CNOT7: variants seen among roughly 807,000 people sequenced by gnomAD.
CNOT7 encodes CCR4-NOT transcription complex subunit 7, also known as BTG1-binding factor 1.
Under a neutral mutation model 37.1 loss-of-function variants are expected in CNOT7, and 4 were observed. The observed-to-expected ratio is 0.11, with a 90% CI of 0.05 to 0.25. CNOT7 has a LOEUF of 0.25. Ranked by LOEUF, CNOT7 falls within the 10% of genes least tolerant of loss-of-function variation. The pLI, the probability that CNOT7 is intolerant of heterozygous loss-of-function variation, is 1.00. For synonymous variants in CNOT7, 128 were observed against 115.6 expected, an observed-to-expected ratio of 1.11 and a Z score of -0.69; for missense variants, 170 against 336.2, an observed-to-expected ratio of 0.51 and a Z score of 3.87.
rs1283479667 is a variant in CNOT7, at chr8:17,245,180, C to G, written c.-28G>C. ...TGAGGGCACAAGGGAGTCTAGATGC[C>G]AAGCATCAAAATGTTATACTTGATT... On this transcript the variant is annotated 5_prime_UTR_variant, in exon 2 of 7. Coordinates refer to ENST00000361272, the MANE Select transcript of CNOT7 (RefSeq NM_013354.7). 8 of 1,580,736 alleles carry G rather than the reference C, an allele frequency of 5.1e-6. No individual in the cohort carries two copies. The highest frequency in any genetic ancestry group is 2.7e-5 in the African/African-American group (2 of 73,302).
chr8:17,242,704 A>T, intron 3 of CNOT7: 1 of 229,492 alleles, frequency 4.4e-6, no homozygotes, highest in Non-Finnish European at 8.3e-6. Flanking sequence ...TTTGAAAGTA[A>T]AACTAATGTA....
Position 17,246,732 on chromosome 8 carries a change from CGGCGGT to C in CNOT7, c.-159_-154del, listed in dbSNP as rs897428567. ...TCCTCGCCATAGAGACAGCACTCGG[CGGCGGT>C]GGCGGTGGCGGTGGCGGTAGCGGCG... is the stretch of plus-strand genomic sequence containing the variant. On this transcript the variant is annotated 5_prime_UTR_variant, in exon 1 of 7. Transcript: ENST00000361272. The C allele has an allele frequency of 6.8e-5, 13 of 190,832 alleles. No individual in the cohort carries two copies. The highest frequency in any genetic ancestry group is 1.6e-4 in the South Asian group (2 of 12,670). 11.8% of individuals were successfully genotyped at this position (190,832 alleles called of 1,614,324 possible).
chr8:17,233,550 A>G (rs1479117666), intron 5 of CNOT7, among the ~76,000 whole-genome samples: 1 of 152,170 alleles, frequency 6.6e-6, no homozygotes, highest in African/African-American at 2.4e-5. Context: ...ATGATGAGCA[A>G]TAATTTGGTT....
At chr8:17,246,353 C>T (rs1351215959) in intron 1 of CNOT7, 4 of 152,372 alleles carry the variant, frequency 2.6e-5, no homozygotes, top group Non-Finnish European at 4.4e-5. Flanking sequence ...ATAACACTGA[C>T]TGGAGCTACA....
rs956150523 is a variant in CNOT7 at position 17,234,570 on chromosome 8, A to G, written c.618+146T>C. The G allele has an allele frequency of 4.6e-6, 4 of 867,328 alleles. No individual in the cohort carries two copies. The African/African-American group carries it at 6.8e-5, about 15-fold the overall frequency. The allele number at this position is 867,328 out of a possible 1,614,324, so 53.7% of individuals were successfully genotyped here. ...TTCCCTACAAATTATGTATGCAAGAAAAAAAATCACATGACCAGATAATAT... is the reference window on the plus strand; with the variant it reads ...TTCCCTACAAATTATGTATGCAAGAGAAAAAATCACATGACCAGATAATAT... On this transcript the variant is annotated intron_variant, in intron 5 of 6. Coordinates refer to ENST00000361272, the MANE Select transcript of CNOT7 (RefSeq NM_013354.7).
chr8:17,234,585 C>T (rs1238845742), intron 5 of CNOT7, 131 bp downstream of exon 5: 14 of 940,940 alleles, frequency 1.5e-5, no homozygotes, highest in Non-Finnish European at 2.3e-5. Context: ...AATCACATGA[C>T]CAGATAATAT....
At position 17,230,459 on chromosome 8, in the gene CNOT7, C is replaced by G. The variant is rs1292194550; in HGVS notation, c.*261G>C. ...TTTATCAAAATATTCAATGATGTAG[C>G]TTTCCCCACTCTCTGTCACACACGC... On this transcript the variant is annotated 3_prime_UTR_variant, in exon 7 of 7. Coordinates refer to ENST00000361272, the MANE Select transcript of CNOT7 (RefSeq NM_013354.7). The G allele has an allele frequency of 4.2e-6, 1 of 240,930 alleles. No individual in the cohort carries two copies. The highest frequency in any genetic ancestry group is 7.9e-6 in the Non-Finnish European group (1 of 126,018). The allele number at this position is 240,930 out of a possible 1,614,324, so 14.9% of individuals were successfully genotyped here.
chr8:17,245,529 T>C (rs557208642), intron 1 of CNOT7, among the ~76,000 whole-genome samples: 3 of 152,316 alleles, frequency 2.0e-5, no homozygotes, highest in African/African-American at 4.8e-5. Flanking sequence ...TTTATCTGAG[T>C]TCAACTACTC....
chr8:17,243,814 A>G (rs139028522), intron 2 of CNOT7, among the ~76,000 whole-genome samples: 1 of 152,344 alleles, frequency 6.6e-6, no homozygotes, highest in African/African-American at 2.4e-5. Flanking sequence ...GGTTAAGAAA[A>G]CAATTTTAGT....
At chr8:17,231,901 C>G in intron 6 of CNOT7, 2 of 986,218 alleles carry the variant, frequency 2.0e-6, no homozygotes, top group South Asian at 9.4e-5. Flanking sequence ...TTCAACCCCC[C>G]TTTTAAGACT....
chr8:17,237,126 T>C, intron 4 of CNOT7, 86 bp downstream of exon 4: 1 of 1,332,150 alleles, frequency 7.5e-7, no homozygotes, highest in South Asian at 1.3e-5. Flanking sequence ...GAATTAAACC[T>C]GAAATTGCTA....
Position 17,226,029 on chromosome 8 carries a change from C to CCTTTT in CNOT7, c.*4690_*4691insAAAAG, listed in dbSNP as rs1808130951. ...TCTTCTAGTAGAGAGGTGGACAAGC[C>CCTTTT]TTTTTTTTTTTTTTTTTTTTTTTTT... On this transcript the variant is annotated 3_prime_UTR_variant, in exon 7 of 7. Coordinates refer to ENST00000361272, the MANE Select transcript of CNOT7 (RefSeq NM_013354.7). 3.4e-5 allele frequency: 2 copies of CCTTTT among 58,704 alleles called. No homozygotes were observed. Among genetic ancestry groups the CCTTTT allele is most frequent in the Non-Finnish European group, 6.0e-5 (2 of 33,554 alleles). The allele number at this position is 58,704 out of a possible 1,614,324, so 3.6% of individuals were successfully genotyped here.
At chr8:17,231,762 G>C (rs554782523) in intron 6 of CNOT7, 7 of 985,410 alleles carry the variant, frequency 7.1e-6, no homozygotes, top group Non-Finnish European at 8.4e-6. Flanking sequence ...GGTTCATTTA[G>C]TTTCATTCTT....
chr8:17,243,434 ATACT>A, intron 2 of CNOT7: 1 of 617,476 alleles, frequency 1.6e-6, no homozygotes, highest in Non-Finnish European at 3.0e-6. Flanking sequence ...ATTTAACCAA[ATACT>A]TACTCTATAA....
At chr8:17,232,999 T>G (rs1206878858) in intron 5 of CNOT7, among the ~76,000 whole-genome samples, 1 of 152,222 alleles carries the variant, frequency 6.6e-6, no homozygotes, top group Non-Finnish European at 1.5e-5. Flanking sequence ...GAATAATCAT[T>G]AAGAGTATGC....
chr8:17,234,675 G>T, intron 5 of CNOT7, 41 bp downstream of exon 5: 1 of 1,608,130 alleles, frequency 6.2e-7, no homozygotes, highest in South Asian at 1.1e-5. Flanking sequence ...CACTTGGTCT[G>T]AACAGTGTGC....
rs186141646 is a variant in CNOT7 at position 17,237,167 on chromosome 8, T to G, written c.473+45A>C. ...GTGACCCAAGTAAGTGTGGAGCAAG[T>G]ATGAGATGGAAAAACAAATGCCATT... On this transcript the variant is annotated intron_variant, in intron 4 of 6. Coordinates refer to ENST00000361272, the MANE Select transcript of CNOT7 (RefSeq NM_013354.7). The G allele has an allele frequency of 6.3e-6, 10 of 1,589,198 alleles. No individual in the cohort carries two copies. The Admixed American group carries it at 1.0e-4, about 16-fold the overall frequency.
At chr8:17,241,483 C>T (rs189149275) in intron 3 of CNOT7, 2 of 152,180 alleles carry the variant, frequency 1.3e-5, no homozygotes, top group Non-Finnish European at 2.9e-5. Flanking sequence ...TTTTCCTAAG[C>T]CCTACTTTCG....
chr8:17,227,519 C>G lies in CNOT7; in HGVS notation c.*3201G>C, dbSNP rs771798212. The G allele has an allele frequency of 6.6e-6, 1 of 151,854 alleles. No individual in the cohort carries two copies. Among genetic ancestry groups the G allele is most frequent in the Non-Finnish European group, 1.5e-5 (1 of 67,808 alleles). 9.4% of individuals were successfully genotyped at this position (151,854 alleles called of 1,614,324 possible). On this transcript the variant is annotated 3_prime_UTR_variant, in exon 7 of 7. Coordinates refer to ENST00000361272, the MANE Select transcript of CNOT7 (RefSeq NM_013354.7). ...TTGGGTTGGTTACTATCTTCAAGCA[C>G]GATGTAATTCAGCATTAGTAAATGG...
Sources: allele counts gnomAD v4.1 joint callset (sites outside exome capture counted in the v4.1 genomes callset), GRCh38; gene constraint gnomAD v4.1.1; transcripts MANE v1.5; gene names NCBI Gene and HGNC (gene_info 2026-07-23, HGNC 2026-07-21).